The following MAP2K3 variants were observed in gnomAD, a reference collection of about 807,000 sequenced individuals.
The protein encoded by MAP2K3 is dual specificity mitogen-activated protein kinase kinase 3.
Under a neutral mutation model 46.4 loss-of-function variants are expected in MAP2K3, and 30 were observed. That is an observed-to-expected ratio of 0.65 (90% CI 0.48 to 0.88). The LOEUF is 0.88. Among genes scored for constraint, MAP2K3 ranks in the 40% least tolerant of loss-of-function variants. The pLI, the probability that MAP2K3 is intolerant of heterozygous loss-of-function variation, is 0.00. For missense variants in MAP2K3, 380 were observed against 464.5 expected (o/e 0.82, Z 1.67); for synonymous variants, 189 against 176.3 (o/e 1.07, Z -0.57).
At chr17:21,291,614 T>C (rs1319353897) in intron 1 of MAP2K3, 2 of 456,278 alleles carry the variant, frequency 4.4e-6, no homozygotes, top group Non-Finnish European at 8.8e-6. Context: ...TGCCCTGTCA[T>C]GGCCTCTTAA....
At chr17:21,303,335 G>A (rs1224580727) in intron 7 of MAP2K3, 101 bp downstream of exon 7, 8 of 1,511,886 alleles carry the variant, frequency 5.3e-6, no homozygotes, top group Non-Finnish European at 7.2e-6. Flanking sequence ...GCTCCGAGAG[G>A]TGATAGGTTG....
At chr17:21,303,437 T>C (rs1215835369) in intron 7 of MAP2K3, among the ~76,000 whole-genome samples, 1 of 152,312 alleles carries the variant, frequency 6.6e-6, no homozygotes, top group African/African-American at 2.4e-5. Context: ...AAGGACTGGC[T>C]TGACTTCTGT....
intron 1 of MAP2K3, chr17:21,291,472 C>A: frequency 2.2e-6 from 1 of 456,498 alleles, no homozygotes; most frequent in South Asian, 1.5e-5. Context: ...GTGCAGGTGG[C>A]TGGCAATGGC....
At chr17:21,310,201 G>A in intron 9 of MAP2K3, among the ~76,000 whole-genome samples, 1 of 151,864 alleles carries the variant, frequency 6.6e-6, no homozygotes, top group South Asian at 2.1e-4. Context: ...TAGAGATGGG[G>A]TTTCTCCATG....
chr17:21,304,728 C>T (rs545175420), intron 8 of MAP2K3, among the ~76,000 whole-genome samples, 175 bp downstream of exon 8: 324 of 152,308 alleles, frequency 2.1e-3, no homozygotes, highest in Admixed American at 5.2e-3. Flanking sequence ...CCTTCTGTAC[C>T]CCGTTGTTAA....
At chr17:21,301,485 G>T (rs1976597310) in intron 5 of MAP2K3, among the ~76,000 whole-genome samples, 1 of 152,312 alleles carries the variant, frequency 6.6e-6, no homozygotes, top group Admixed American at 6.5e-5. Context: ...AGGGAGGCCG[G>T]GAGCCTAGGC....
chr17:21,307,572 G>C (rs1168697373), intron 9 of MAP2K3, among the ~76,000 whole-genome samples: 1 of 144,150 alleles, frequency 6.9e-6, no homozygotes, highest in African/African-American at 2.5e-5. Flanking sequence ...GGGAGCGAGC[G>C]AAGAGAAGTG....
At chr17:21,290,083 G>A (rs929396711) in intron 1 of MAP2K3, among the ~76,000 whole-genome samples, 3 of 152,334 alleles carry the variant, frequency 2.0e-5, no homozygotes, top group East Asian at 1.9e-4. Flanking sequence ...TCCAAGGCCC[G>A]TCCCAAGGTT....
At chr17:21,296,387 G>C (rs995448309) in intron 1 of MAP2K3, among the ~76,000 whole-genome samples, 2 of 152,310 alleles carry the variant, frequency 1.3e-5, no homozygotes, top group Admixed American at 6.5e-5. Flanking sequence ...CTCAGAAGCT[G>C]CTGGCCCTGT....
chr17:21,293,284 GC>G (rs1976047580), intron 1 of MAP2K3, among the ~76,000 whole-genome samples: 1 of 152,302 alleles, frequency 6.6e-6, no homozygotes, highest in Non-Finnish European at 1.5e-5. Context: ...TTGTGCCCCA[GC>G]CACTCTGCCC....
chr17:21,291,110 G>A (rs1263039095), intron 1 of MAP2K3, among the ~76,000 whole-genome samples: 1 of 152,310 alleles, frequency 6.6e-6, no homozygotes, highest in Non-Finnish European at 1.5e-5. Context: ...CGGGCGTGGT[G>A]GCAGGTGTCT....
intron 7 of MAP2K3, 39 bp downstream of exon 7, chr17:21,303,273 T>G (rs770691893): frequency 3.7e-5 from 60 of 1,613,106 alleles, no homozygotes; most frequent in Non-Finnish European, 5.0e-5. Context: ...GTGTAGCCAG[T>G]GGGAGGGATC....
chr17:21,286,624 C>T (rs948403956), intron 1 of MAP2K3, among the ~76,000 whole-genome samples: 4 of 152,344 alleles, frequency 2.6e-5, no homozygotes. Context: ...GACACTTCTC[C>T]ACTCTGGAGA....
chr17:21,306,771 C>T (rs1976908013), intron 9 of MAP2K3, among the ~76,000 whole-genome samples: 1 of 152,276 alleles, frequency 6.6e-6, no homozygotes, highest in Non-Finnish European at 1.5e-5. Context: ...GCATGAGCCA[C>T]CACGCCCAGC....
intron 1 of MAP2K3, chr17:21,296,157 C>T: frequency 7.8e-7 from 1 of 1,289,658 alleles, no homozygotes; most frequent in Middle Eastern, 2.1e-4. Flanking sequence ...GAACCCTGTG[C>T]TGAGCACCTT....
At chr17:21,298,368 G>C (rs1413112988) in intron 1 of MAP2K3, 45 bp from the exon 2 acceptor site, 1 of 1,613,230 alleles carries the variant, frequency 6.2e-7, no homozygotes, top group South Asian at 1.1e-5. Context: ...AGGGGACATT[G>C]ATGTCAAGGG....
At chr17:21,300,680 C>G in intron 4 of MAP2K3, 22 bp downstream of exon 4, 6 of 1,602,130 alleles carry the variant, frequency 3.7e-6, no homozygotes, top group Non-Finnish European at 5.1e-6. Context: ...CTGGAGGCAG[C>G]TGGGAGGGCT....
intron 9 of MAP2K3, among the ~76,000 whole-genome samples, chr17:21,308,667 A>T (rs1485491161): frequency 6.6e-6 from 1 of 152,276 alleles, no homozygotes; most frequent in African/African-American, 2.4e-5. Context: ...TGTATCTGCA[A>T]TAACAGTTTT....
intron 9 of MAP2K3, among the ~76,000 whole-genome samples, chr17:21,309,699 C>T (rs547182390): frequency 1.3e-5 from 2 of 152,146 alleles, no homozygotes; most frequent in East Asian, 1.9e-4. Flanking sequence ...CTGCAACCTC[C>T]GCCTCCCAGG....
Sources: gnomAD v4.1 joint callset for allele counts (sites outside exome capture counted in the v4.1 genomes callset) on GRCh38, gnomAD v4.1.1 for gene constraint, MANE v1.5 for transcripts, NCBI Gene and HGNC (gene_info 2026-07-23, HGNC 2026-07-21) for gene names.